The following RUVBL1 variants were observed in gnomAD, a reference collection of about 807,000 sequenced individuals.
RUVBL1 encodes the protein ruvB-like 1.
A neutral mutation model predicts 52.4 loss-of-function variants in RUVBL1; 4 were observed. That is an observed-to-expected ratio of 0.08 (90% CI 0.04 to 0.17). The LOEUF (loss-of-function observed/expected upper bound fraction) is 0.17, where lower values mean the gene tolerates loss of function less well. Ranked by LOEUF, RUVBL1 falls within the 10% of genes least tolerant of loss-of-function variation. RUVBL1 has a pLI of 1.00. For synonymous variants in RUVBL1, 217 were observed against 214.4 expected (o/e 1.01, Z -0.10); for missense variants, 298 against 572.8 (o/e 0.52, Z 4.90).
chr3:128,153,754 G>T, exon 1 of RUVBL1: 1 of 1,545,478 alleles, frequency 6.5e-7, no homozygotes, highest in South Asian at 1.2e-5. Context: ...CGAGCCCGGC[G>T]AGCCACTGCT....
exon 1 of RUVBL1, chr3:128,153,690 C>A (rs770126202): frequency 1.3e-6 from 2 of 1,590,634 alleles, no homozygotes. Context: ...TGCCGCTGCC[C>A]GCGCGCCTGC....
intron 9 of RUVBL1, chr3:128,066,888 CTG>C (rs1941998294): frequency 1.3e-6 from 2 of 1,522,656 alleles, no homozygotes; most frequent in South Asian, 2.3e-5. Flanking sequence ...CCCGGCCGGG[CTG>C]TGTTTCTGTG....
intron 6 of RUVBL1, 129 bp downstream of exon 6, chr3:128,100,465 CT>C (rs1241522289): frequency 3.7e-6 from 4 of 1,087,102 alleles, no homozygotes; most frequent in Non-Finnish European, 5.1e-6. Context: ...ATGTTAATTG[CT>C]GAACATTACA....
intron 1 of RUVBL1, among the ~76,000 whole-genome samples, chr3:128,136,747 G>GC (rs1186678449): frequency 6.6e-6 from 1 of 151,766 alleles, no homozygotes; most frequent in Non-Finnish European, 1.5e-5. Context: ...CCAAAAAAGA[G>GC]CAGGAGTAGC....
chr3:128,136,775 A>G (rs1188175984), intron 1 of RUVBL1, among the ~76,000 whole-genome samples: 1 of 152,216 alleles, frequency 6.6e-6, no homozygotes, highest in African/African-American at 2.4e-5. Flanking sequence ...ACAGCAGAAA[A>G]AATAGATTTC....
rs761380620 is a variant in RUVBL1, at chr3:128,112,857, C to G, written c.361+31G>C. 6.5e-5 allele frequency: 104 copies of G among 1,608,148 alleles called. 1 individual carries two copies. The South Asian group carries it at 1.1e-3, about 16-fold the overall frequency. Reference sequence around the variant, plus strand: ...GTGCACAGGCTTCAGGAAGTGAGACCAACTCCTCCCACAAATGTGACACTA... The same window carrying G: ...GTGCACAGGCTTCAGGAAGTGAGACGAACTCCTCCCACAAATGTGACACTA... On this transcript the variant is annotated intron_variant, in intron 3 of 10. Transcript: ENST00000322623.
intron 8 of RUVBL1, among the ~76,000 whole-genome samples, chr3:128,093,356 A>G (rs925754651): frequency 6.6e-6 from 1 of 152,146 alleles, no homozygotes; most frequent in Non-Finnish European, 1.5e-5. Context: ...GACGATGACT[A>G]TTGATGGGTA....
intron 1 of RUVBL1, among the ~76,000 whole-genome samples, chr3:128,120,715 T>G (rs995972781): frequency 4.6e-5 from 7 of 152,154 alleles, no homozygotes; most frequent in Non-Finnish European, 1.0e-4. Flanking sequence ...GTGAAGTACC[T>G]TGGTCCCACA....
At chr3:128,117,100 C>T (rs962506079) in intron 2 of RUVBL1, among the ~76,000 whole-genome samples, 2 of 152,016 alleles carry the variant, frequency 1.3e-5, no homozygotes, top group Admixed American at 6.5e-5. Context: ...ACTATTCTTT[C>T]AAGTTTTTTG....
rs560568563 is a variant in RUVBL1, at chr3:128,106,459, C to T, written c.362-1535G>A. Among the ~76,000 whole-genome samples, 348 of 142,736 alleles carry T rather than the reference C, an allele frequency of 2.4e-3. 1 individual carries two copies. Among genetic ancestry groups the T allele is most frequent in the Non-Finnish European group, 4.3e-3 (284 of 66,378 alleles). 93.6% of individuals were successfully genotyped at this position (142,736 alleles called of 152,430 possible). A position where few individuals can be genotyped will look rare whatever the true frequency, so the allele number is the denominator to read the frequency against. On this transcript the variant is annotated intron_variant, in intron 3 of 10. Coordinates refer to ENST00000322623, the MANE Select transcript of RUVBL1 (RefSeq NM_003707.3). ...CTAGCAGACTCAGTTTAAAACGTAT[C>T]CCCCCCCCCTTCACACATTCTTCTT...
intron 8 of RUVBL1, among the ~76,000 whole-genome samples, chr3:128,093,506 G>T (rs13092202): frequency 0.15 from 21,283 of 146,396 alleles, 1,680 homozygotes; most frequent in African/African-American, 0.22. Context: ...TTTTTTTTTT[G>T]TTGGAACACT....
intron 9 of RUVBL1, among the ~76,000 whole-genome samples, chr3:128,074,535 T>C (rs900527129): frequency 6.6e-6 from 1 of 152,164 alleles, no homozygotes; most frequent in African/African-American, 2.4e-5. Flanking sequence ...TCACTGTATT[T>C]TTAACGTTTA....
intron 1 of RUVBL1, among the ~76,000 whole-genome samples, chr3:128,143,345 G>C (rs1167541556): frequency 2.0e-5 from 3 of 151,852 alleles, no homozygotes; most frequent in South Asian, 2.1e-4. Context: ...GCTAATTTTT[G>C]TATTTTTAGT....
chr3:128,151,011 A>G (rs1308290267), intron 1 of RUVBL1, among the ~76,000 whole-genome samples: 1 of 94,170 alleles, frequency 1.1e-5, no homozygotes, highest in African/African-American at 4.5e-5. Flanking sequence ...ATTATATTAT[A>G]TATTATATAT....
intron 9 of RUVBL1, among the ~76,000 whole-genome samples, chr3:128,068,364 C>T (rs1315001965): frequency 5.9e-5 from 9 of 152,178 alleles, no homozygotes; most frequent in South Asian, 2.1e-4. Context: ...TGACTGGCAG[C>T]GGGACCCTCA....
chr3:128,109,347 A>G (rs989837312), intron 3 of RUVBL1, among the ~76,000 whole-genome samples: 1 of 152,038 alleles, frequency 6.6e-6, no homozygotes, highest in African/African-American at 2.4e-5. Context: ...GGAGTTCGAG[A>G]CCACCTGGGC....
At chr3:128,125,240 C>T (rs1943767785), upstream of RUVBL1, among the ~76,000 whole-genome samples, 1 of 152,032 alleles carries the variant, frequency 6.6e-6, no homozygotes, top group Non-Finnish European at 1.5e-5. Flanking sequence ...TGGTCTCAAT[C>T]TCCTGACCTC....
At chr3:128,144,555 T>A (rs1328657781) in intron 1 of RUVBL1, among the ~76,000 whole-genome samples, 1 of 152,172 alleles carries the variant, frequency 6.6e-6, no homozygotes, top group Non-Finnish European at 1.5e-5. Context: ...GAGGATGTCT[T>A]CGTGGGCTAG....
At chr3:128,153,687 G>T (rs560827533) in exon 1 of RUVBL1, 1 of 1,591,954 alleles carries the variant, frequency 6.3e-7, no homozygotes, top group South Asian at 1.1e-5. Flanking sequence ...CGGTGCCGCT[G>T]CCCGCGCGCC....
Sources: allele counts gnomAD v4.1 joint callset (sites outside exome capture counted in the v4.1 genomes callset), GRCh38; gene constraint gnomAD v4.1.1; transcripts MANE v1.5; gene names NCBI Gene and HGNC (gene_info 2026-07-23, HGNC 2026-07-21).